Variants in NTNG2 observed in about 807,000 individuals in gnomAD.
NTNG2 encodes the protein netrin-G2.
NTNG2 carries 15 observed loss-of-function variants against 47.6 expected under a neutral mutation model. The ratio of observed to expected loss-of-function variants is 0.32; its 90% CI spans 0.21 to 0.49. NTNG2 has a LOEUF of 0.49. Ranked by LOEUF, NTNG2 falls within the 20% of genes least tolerant of loss-of-function variation. NTNG2 has a pLI of 0.99. For missense variants in NTNG2, 578 were observed against 764.6 expected, an observed-to-expected ratio of 0.76 and a Z score of 2.88; for synonymous variants, 307 against 324.6, an observed-to-expected ratio of 0.95 and a Z score of 0.58.
intron 3 of NTNG2, among the ~76,000 whole-genome samples, chr9:132,224,924 C>T (rs1840626593): frequency 6.7e-6 from 1 of 149,602 alleles, no homozygotes; most frequent in African/African-American, 2.5e-5. Context: ...TCTCTCTCTG[C>T]TTTTTTTTTT....
intron 3 of NTNG2, among the ~76,000 whole-genome samples, chr9:132,201,866 C>A (rs871463): frequency 0.38 from 58,279 of 152,076 alleles, 12,042 homozygotes; most frequent in Non-Finnish European, 0.47. Context: ...CTGATCCCCA[C>A]CCCCTGGAGC....
Position 132,241,994 on chromosome 9 carries a change from CCCCGCCGACG to C in NTNG2, c.1477_1486del (p.Pro493MetfsTer348), listed in dbSNP as rs1160307314. The stretch of plus-strand genomic sequence containing the variant: ...TGCGCTGCGAGCAGCCCCGCTGCGA[CCCCGCCGACG>C]ATGACGGCGGTCTGGACTGCGACCG... On this transcript the variant is annotated frameshift_variant, in exon 8 of 8. Coordinates refer to ENST00000393229, the MANE Select transcript of NTNG2 (RefSeq NM_032536.4). LOFTEE classifies it low-confidence loss of function (END_TRUNC). The C allele has an allele frequency of 6.7e-7, 1 of 1,485,310 alleles. No individual in the cohort carries two copies. The highest frequency in any genetic ancestry group is 1.3e-5 in the South Asian group (1 of 79,180). 92.0% of individuals were successfully genotyped at this position (1,485,310 alleles called of 1,614,324 possible). A position where few individuals can be genotyped will look rare whatever the true frequency, so the allele number is the denominator to read the frequency against.
rs1008334631 is a variant in NTNG2 at position 132,182,172 on chromosome 9, G to A, written c.213+15128G>A. On this transcript the variant is annotated intron_variant, in intron 2 of 7. Transcript: ENST00000393229. This position sits in a 1 kb window ranked among gnomAD's most constrained non-coding sequence, Gnocchi z 4.2. ...ATTTCATGTCTATTTGGCAGCGAGC[G>A]TGCTCCCACGCACCAGCTCTGGGGA... Among the ~76,000 whole-genome samples, 5 of 152,242 alleles carry A rather than the reference G, an allele frequency of 3.3e-5. No homozygotes were observed. The highest frequency in any genetic ancestry group is 9.6e-5 in the African/African-American group (4 of 41,452).
chr9:132,213,134 ACC>A (rs1166828114), intron 3 of NTNG2, among the ~76,000 whole-genome samples: 2 of 152,034 alleles, frequency 1.3e-5, no homozygotes, highest in Non-Finnish European at 2.9e-5. Flanking sequence ...ACATAGTAAA[ACC>A]CTCGTCTCTA....
At chr9:132,168,020 G>A (rs1589354929) in intron 2 of NTNG2, among the ~76,000 whole-genome samples, 2 of 152,224 alleles carry the variant, frequency 1.3e-5, no homozygotes, top group South Asian at 4.1e-4. Context: ...ATTAACGTAG[G>A]TAAAGTGTTC....
chr9:132,189,065 TTTC>T lies in NTNG2; in HGVS notation c.214-8898_214-8896del, dbSNP rs1355372929. ...TTTTATGTGAAAAAGGCTTTAAGCC[TTTC>T]TTTTTTTTTTTTTTTTTTTTTTTTT... is the stretch of plus-strand genomic sequence containing the variant. On this transcript the variant is annotated intron_variant, in intron 2 of 7. Coordinates refer to ENST00000393229, the MANE Select transcript of NTNG2 (RefSeq NM_032536.4). Among the ~76,000 whole-genome samples, 128 of 111,636 alleles carry T rather than the reference TTTC, an allele frequency of 1.1e-3. 8 individuals are homozygous for T. Among genetic ancestry groups the T allele is most frequent in the South Asian group, 2.0e-3 (7 of 3,518 alleles). The allele number at this position is 111,636 out of a possible 152,430, so 73.2% of individuals were successfully genotyped here. A position where few individuals can be genotyped will look rare whatever the true frequency, so the allele number is the denominator to read the frequency against.
In NTNG2 at chr9:132,175,178, C is replaced by T. The variant is rs143019623; in HGVS notation, c.213+8134C>T. On this transcript the variant is annotated intron_variant, in intron 2 of 7. Coordinates refer to ENST00000393229, the MANE Select transcript of NTNG2 (RefSeq NM_032536.4). ...GACAGAGAGGAGACAGTCCACTCCC[C>T]CTGCCCACCTCATCCAAGCCCCTGT... is the stretch of plus-strand genomic sequence containing the variant. Among the ~76,000 whole-genome samples, 181 of 152,202 alleles carry T rather than the reference C, an allele frequency of 1.2e-3. 1 individual carries two copies. The highest frequency in any genetic ancestry group is 3.5e-3 in the South Asian group (17 of 4,820).
intron 3 of NTNG2, among the ~76,000 whole-genome samples, chr9:132,214,305 G>A (rs1355642381): frequency 2.0e-5 from 3 of 152,210 alleles, no homozygotes; most frequent in Non-Finnish European, 2.9e-5. Flanking sequence ...TGCCAGGCCC[G>A]GGTCCAGATG....
Position 132,182,489 on chromosome 9 carries a change from T to C in NTNG2, c.213+15445T>C, listed in dbSNP as rs1418038358. ...AAGTGGGTGGGGGGCTGGGTGGCCT[T>C]CCTTGCTGTCTCTGCCCGCTCCAAA... is the stretch of plus-strand genomic sequence containing the variant. On this transcript the variant is annotated intron_variant, in intron 2 of 7. Transcript: ENST00000393229. This position sits in a 1 kb window ranked among gnomAD's most constrained non-coding sequence, Gnocchi z 4.2. 6.6e-6 allele frequency among the ~76,000 whole-genome samples: 1 copy of C among 152,076 alleles called. No homozygotes were observed. Among genetic ancestry groups the C allele is most frequent in the Admixed American group, 6.5e-5 (1 of 15,268 alleles).
At chr9:132,193,083 C>A (rs1040022232) in intron 2 of NTNG2, among the ~76,000 whole-genome samples, 2 of 152,198 alleles carry the variant, frequency 1.3e-5, no homozygotes, top group African/African-American at 4.8e-5. Flanking sequence ...ACAATGCCCC[C>A]ACCCCATAGA....
Position 132,176,426 on chromosome 9 carries a change from G to A in NTNG2, c.213+9382G>A, listed in dbSNP as rs139560389. ...TTTAGCTATGCTAGACATTTCATAC[G>A]AATGGAATCAGACAATATGAGGCTC... On this transcript the variant is annotated intron_variant, in intron 2 of 7. Coordinates refer to ENST00000393229, the MANE Select transcript of NTNG2 (RefSeq NM_032536.4). Among the ~76,000 whole-genome samples the A allele has an allele frequency of 1.1e-4, 17 of 152,278 alleles. No individual in the cohort carries two copies. The East Asian group carries it at 3.1e-3, about 28-fold the overall frequency.
chr9:132,209,345 A>G (rs1468819645), intron 3 of NTNG2, among the ~76,000 whole-genome samples: 1 of 152,170 alleles, frequency 6.6e-6, no homozygotes, highest in Non-Finnish European at 1.5e-5. Flanking sequence ...CATCCGGAGC[A>G]TTTGGGCCTC....
chr9:132,169,686 C>T (rs1042966066), intron 2 of NTNG2, among the ~76,000 whole-genome samples: 2 of 152,250 alleles, frequency 1.3e-5, no homozygotes, highest in Non-Finnish European at 2.9e-5. Context: ...CCAGTAGAAA[C>T]CATAATGTAG....
rs1404272451 is a variant in NTNG2, at chr9:132,167,166, G to T, written c.213+122G>T. On this transcript the variant is annotated intron_variant, in intron 2 of 7. Transcript: ENST00000393229. ...TGCAAGGCTGACTTTCCTGCCTCTT[G>T]ACCAGGTCTGGACCAGACCTGGACC... is the stretch of plus-strand genomic sequence containing the variant. 3 of 1,068,766 alleles carry T rather than the reference G, an allele frequency of 2.8e-6. No homozygotes were observed. In the East Asian group the frequency reaches 7.7e-5, roughly 28 times the overall value. The allele number at this position is 1,068,766 out of a possible 1,614,324, so 66.2% of individuals were successfully genotyped here. A position where few individuals can be genotyped will look rare whatever the true frequency, so the allele number is the denominator to read the frequency against.
At position 132,209,769 on chromosome 9, in the gene NTNG2, C is replaced by T. The variant is rs7874039; in HGVS notation, c.857+11160C>T. ...GGGGGTGTAGGCAAGCTTTTGAAAA[C>T]GTTTTGCTCGGAAGGGGAGCAGAGA... On this transcript the variant is annotated intron_variant, in intron 3 of 7. Transcript: ENST00000393229. 8.7e-3 allele frequency among the ~76,000 whole-genome samples: 1,323 copies of T among 151,470 alleles called. 16 individuals carry two copies. The highest frequency in any genetic ancestry group is 0.03 in the African/African-American group (1,252 of 41,176).
chr9:132,201,886 G>A (rs1327886286), intron 3 of NTNG2, among the ~76,000 whole-genome samples: 5 of 152,228 alleles, frequency 3.3e-5, no homozygotes, highest in South Asian at 2.1e-4. Flanking sequence ...CGCTCCCCGC[G>A]GGGGCAGCGC....
intron 2 of NTNG2, among the ~76,000 whole-genome samples, chr9:132,167,459 A>G (rs1050908343): frequency 6.6e-6 from 1 of 152,128 alleles, no homozygotes; most frequent in Non-Finnish European, 1.5e-5. Flanking sequence ...CTGTGGTGCA[A>G]CCTCTTAGCC....
rs1234659193 is a variant in NTNG2 at position 132,180,063 on chromosome 9, T to G, written c.213+13019T>G. Among the ~76,000 whole-genome samples the G allele has an allele frequency of 6.6e-6, 1 of 152,202 alleles. No individual in the cohort carries two copies. The highest frequency in any genetic ancestry group is 2.4e-5 in the African/African-American group (1 of 41,456). ...CCTGTCTTCAAGGACCTGGCATCCT[T>G]CTGTCCCAGGGCAGTTTGTCTTGGG... On this transcript the variant is annotated intron_variant, in intron 2 of 7. Coordinates refer to ENST00000393229, the MANE Select transcript of NTNG2 (RefSeq NM_032536.4). This position sits in a 1 kb window ranked among gnomAD's most constrained non-coding sequence, Gnocchi z 4.2.
intron 3 of NTNG2, among the ~76,000 whole-genome samples, chr9:132,203,485 G>A (rs142906524): frequency 9.1e-4 from 138 of 152,318 alleles, no homozygotes; most frequent in African/African-American, 3.1e-3. Context: ...TCACAAGACA[G>A]TGGACCAAAC....
Sources: gnomAD v4.1 joint callset for allele counts (sites outside exome capture counted in the v4.1 genomes callset) on GRCh38, gnomAD v4.1.1 for gene constraint, Gnocchi (gnomAD v3.1) non-coding constraint, MANE v1.5 for transcripts, NCBI Gene and HGNC (gene_info 2026-07-23, HGNC 2026-07-21) for gene names.